Variants in NDUFB8 observed in about 807,000 individuals in gnomAD.
The protein encoded by NDUFB8 is NADH dehydrogenase [ubiquinone] 1 beta subcomplex subunit 8, mitochondrial.
NDUFB8 carries 17 observed loss-of-function variants against 26.0 expected under a neutral mutation model. The observed-to-expected ratio is 0.65, with a 90% CI of 0.45 to 0.98. The LOEUF is 0.98. NDUFB8 is among the 50% of genes least tolerant of loss of function. NDUFB8 has a pLI of 0.00. For missense variants in NDUFB8, 238 were observed against 255.0 expected (o/e 0.93, Z 0.45); for synonymous variants, 89 against 93.1 (o/e 0.96, Z 0.25).
In NDUFB8 at chr10:100,529,586, A is replaced by G. The variant is rs550449363; in HGVS notation, c.86-80T>C. On this transcript the variant is annotated intron_variant, in intron 1 of 4. Transcript: ENST00000299166. ...AGGCTTCAAGTCGCAGGGGCTGCAG[A>G]GGTCCGAGCCCGGGACTTCGCAGGA... is the stretch of plus-strand genomic sequence containing the variant. 5.7e-6 allele frequency: 9 copies of G among 1,589,668 alleles called. No individual in the cohort carries two copies. In the South Asian group the frequency reaches 1.0e-4, roughly 18 times the overall value.
intron 4 of NDUFB8, 132 bp downstream of exon 4, chr10:100,526,267 C>T: frequency 9.3e-7 from 1 of 1,079,708 alleles, no homozygotes; most frequent in Non-Finnish European, 1.3e-6. Context: ...TCAAGGCCCT[C>T]CTATCTTCCT....
Position 100,524,208 on chromosome 10 carries a change from G to A in NDUFB8, c.469-279C>T. ...AAGGAGGGGAAGGGAGGAAGACAGG[G>A]AGGGAGGTAAAGAAAGAGAGAAGAG... On this transcript the variant is annotated intron_variant, in intron 4 of 4. Transcript: ENST00000299166. This position sits in a 1 kb window ranked among gnomAD's most constrained non-coding sequence, Gnocchi z 4.0. The A allele has an allele frequency of 7.4e-7, 1 of 1,357,954 alleles. No individual in the cohort carries two copies. The highest frequency in any genetic ancestry group is 1.3e-5 in the South Asian group (1 of 79,874). The allele number at this position is 1,357,954 out of a possible 1,614,324, so 84.1% of individuals were successfully genotyped here. A position where few individuals can be genotyped will look rare whatever the true frequency, so the allele number is the denominator to read the frequency against.
In NDUFB8 at chr10:100,526,847, A is replaced by G. The variant is rs978577211; in HGVS notation, c.312+128T>C. The G allele has an allele frequency of 9.0e-6, 8 of 889,966 alleles. No individual in the cohort carries two copies. In the Admixed American group the frequency reaches 1.6e-4, roughly 17 times the overall value. The allele number at this position is 889,966 out of a possible 1,614,324, so 55.1% of individuals were successfully genotyped here. A position where few individuals can be genotyped will look rare whatever the true frequency, so the allele number is the denominator to read the frequency against. On this transcript the variant is annotated intron_variant, in intron 3 of 4. Transcript: ENST00000299166. ...TGCCACATGCAATCTCAGATCTCAC[A>G]TCACTGGACCTTGCTTCCTTGAGCA...
At chr10:100,528,368 CTGT>C (rs1232427011) in intron 2 of NDUFB8, among the ~76,000 whole-genome samples, 1 of 152,190 alleles carries the variant, frequency 6.6e-6, no homozygotes, top group African/African-American at 2.4e-5. Flanking sequence ...GAATGTATCC[CTGT>C]TGTTAAGTGA....
At chr10:100,526,775 A>C (rs796634868) in intron 3 of NDUFB8, 200 bp downstream of exon 3, 28 of 723,236 alleles carry the variant, frequency 3.9e-5, no homozygotes, top group African/African-American at 3.7e-4. Flanking sequence ...GAAGTGCACA[A>C]CTTTCACAGT....
chr10:100,527,125 TTCA>T, intron 2 of NDUFB8, 51 bp from the exon 3 acceptor site: 1 of 1,434,822 alleles, frequency 7.0e-7, no homozygotes, highest in South Asian at 1.2e-5. Flanking sequence ...CCTCAGACAA[TTCA>T]GAGTCTCCTC....
Position 100,524,059 on chromosome 10 carries a change from G to T in NDUFB8, c.469-130C>A. On this transcript the variant is annotated intron_variant, in intron 4 of 4. Coordinates refer to ENST00000299166, the MANE Select transcript of NDUFB8 (RefSeq NM_005004.4). The surrounding 1 kb of genome is among the most constrained non-coding windows in gnomAD (Gnocchi z 4.0). ...CTCTGGTCAGACCCAGCTGGGCTAG[G>T]AAGGCAGGAACAGCACTCCTCTTCC... 6.3e-7 allele frequency: 1 copy of T among 1,581,950 alleles called. No individual in the cohort carries two copies. The highest frequency in any genetic ancestry group is 1.2e-5 in the South Asian group (1 of 86,908).
chr10:100,529,536 C>G (rs775260279), intron 1 of NDUFB8, 30 bp from the exon 2 acceptor site: 1 of 1,604,682 alleles, frequency 6.2e-7, no homozygotes, highest in Non-Finnish European at 8.5e-7. Flanking sequence ...AGGTCAGAAG[C>G]GAGCCCGCTC....
rs866840327 is a variant in NDUFB8 at position 100,526,500 on chromosome 10, G to A, written c.367C>T (p.Pro123Ser). Reference sequence around the variant, plus strand: ...ATACACATGACATGCCAAGAAACAGGTGTGGGGGATGTATCCACACGGTTC... The same window carrying A: ...ATACACATGACATGCCAAGAAACAGATGTGGGGGATGTATCCACACGGTTC... ...NRNRVDTSPT[P>S]VSWHVMCMQL... The change falls in exon 4 of 5, where the codon CCT (proline) becomes TCT (serine). Residue 123 changes from proline to serine, a missense_variant. Physicochemically the swap from Pro to Ser is moderately conservative, Grantham distance 74. Transcript: ENST00000299166. 1.9e-6 allele frequency: 3 copies of A among 1,611,698 alleles called. No individual in the cohort carries two copies. Among genetic ancestry groups the A allele is most frequent in the Non-Finnish European group, 2.5e-6 (3 of 1,179,392 alleles).
Position 100,523,850 on chromosome 10 carries a change from T to C in NDUFB8, c.548A>G (p.His183Arg). The C allele has an allele frequency of 6.2e-7, 1 of 1,614,136 alleles. No individual in the cohort carries two copies. The highest frequency in any genetic ancestry group is 1.6e-4 in the Middle Eastern group (1 of 6,062). ...CACGAAGCCTCCTCAGATCTCATAG[T>C]GAACCACCCGCTCTGGTTCTTTGGA... ...DPSKEPERVV[H>R]YEI The change falls in exon 5 of 5, where the codon CAC (histidine) becomes CGC (arginine). Residue 183 changes from histidine to arginine, a missense_variant. Physicochemically the swap from His to Arg is conservative, Grantham distance 29 (BLOSUM62 0). Coordinates refer to ENST00000299166, the MANE Select transcript of NDUFB8 (RefSeq NM_005004.4).
chr10:100,528,413 T>C (rs1186273748), intron 2 of NDUFB8, among the ~76,000 whole-genome samples: 1 of 152,140 alleles, frequency 6.6e-6, no homozygotes, highest in Non-Finnish European at 1.5e-5. Context: ...CCTCATTAGA[T>C]AGAAAATGAA....
At chr10:100,523,735 AC>A, downstream of NDUFB8, 1 of 1,115,220 alleles carries the variant, frequency 9.0e-7, no homozygotes, top group Admixed American at 2.4e-5. Flanking sequence ...GAAATGAGGC[AC>A]AAATAACACA....
At chr10:100,525,295 T>C (rs1211190210) in intron 4 of NDUFB8, among the ~76,000 whole-genome samples, 1 of 151,964 alleles carries the variant, frequency 6.6e-6, no homozygotes, top group Admixed American at 6.6e-5. Flanking sequence ...CTTGCTCTGT[T>C]GCCCAGGCTG....
In NDUFB8 at chr10:100,526,996, C is replaced by T. The variant is rs545322090; in HGVS notation, c.291G>A (p.Leu97=). ...TTACCGGTTCACCCCAGTTCAACCT[C>T]AGGCCCGGCTGGTCCCAGCTATACC... ...DPWYSWDQPG[L]RLNWGEPMHW... Residue 97 remains leucine (L), a synonymous_variant, in exon 3 of 5, where the codon CTG becomes CTA. Coordinates refer to ENST00000299166, the MANE Select transcript of NDUFB8 (RefSeq NM_005004.4). The T allele has an allele frequency of 2.5e-6, 4 of 1,614,190 alleles. No homozygotes were observed. Among genetic ancestry groups the T allele is most frequent in the African/African-American group, 2.7e-5 (2 of 75,056 alleles).
At chr10:100,527,266 A>T (rs970058483) in intron 2 of NDUFB8, among the ~76,000 whole-genome samples, 192 bp from the exon 3 acceptor site, 6 of 152,256 alleles carry the variant, frequency 3.9e-5, no homozygotes, top group Non-Finnish European at 7.3e-5. Context: ...TCCACACTGT[A>T]TTTAAAAGTT....
intron 1 of NDUFB8, 78 bp from the exon 2 acceptor site, chr10:100,529,584 A>C (rs1265005203): frequency 6.3e-7 from 1 of 1,592,816 alleles, no homozygotes. Flanking sequence ...CAGGGGCTGC[A>C]GAGGTCCGAG....
intron 4 of NDUFB8, among the ~76,000 whole-genome samples, chr10:100,525,762 GTGTT>G (rs1370338217): frequency 1.6e-5 from 2 of 126,314 alleles, no homozygotes; most frequent in African/African-American, 5.6e-5. Flanking sequence ...GTGTGTGTGT[GTGTT>G]AGCATCTAGG....
intron 2 of NDUFB8, chr10:100,528,940 A>G (rs75599022): frequency 2.3e-3 from 349 of 153,072 alleles, no homozygotes; most frequent in African/African-American, 8.2e-3. Flanking sequence ...ACAGAAAAAC[A>G]TTTTTTTTAA....
At chr10:100,525,305 G>C (rs920583447) in intron 4 of NDUFB8, among the ~76,000 whole-genome samples, 1 of 150,984 alleles carries the variant, frequency 6.6e-6, no homozygotes, top group African/African-American at 2.4e-5. Context: ...TGCCCAGGCT[G>C]GGGGGCAGTA....
Sources: gnomAD v4.1 joint callset for allele counts (sites outside exome capture counted in the v4.1 genomes callset) on GRCh38, gnomAD v4.1.1 for gene constraint, Gnocchi (gnomAD v3.1) non-coding constraint, MANE v1.5 for transcripts, NCBI Gene and HGNC (gene_info 2026-07-23, HGNC 2026-07-21) for gene names.